LRMDA: variants seen among roughly 807,000 people sequenced by gnomAD.
LRMDA encodes leucine rich melanocyte differentiation associated.
In LRMDA, 18 loss-of-function variants were observed where a neutral mutation model predicts 29.8. The observed-to-expected ratio is 0.60, with a 90% CI of 0.42 to 0.90. The LOEUF (loss-of-function observed/expected upper bound fraction) is 0.90, where lower values mean the gene tolerates loss of function less well. Ranked by LOEUF, LRMDA falls within the 40% of genes least tolerant of loss-of-function variation. The pLI is 0.00. For synonymous variants in LRMDA, 125 were observed against 109.4 expected, an observed-to-expected ratio of 1.14 and a Z score of -0.89; for missense variants, 273 against 273.9, an observed-to-expected ratio of 1.00 and a Z score of 0.02.
intron 6 of LRMDA, among the ~76,000 whole-genome samples, chr10:76,493,355 C>T (rs973625448): frequency 3.9e-4 from 59 of 151,788 alleles, no homozygotes; most frequent in Non-Finnish European, 7.4e-5. Flanking sequence ...CTTGGGTCAG[C>T]TTGTGGTGAA....
At chr10:75,992,735 G>A (rs1847393364) in intron 2 of LRMDA, among the ~76,000 whole-genome samples, 1 of 152,100 alleles carries the variant, frequency 6.6e-6, no homozygotes, top group Admixed American at 6.5e-5. Flanking sequence ...TCCCCATGGT[G>A]CTCCAGGGGC....
intron 2 of LRMDA, among the ~76,000 whole-genome samples, chr10:75,492,743 A>G (rs952509008): frequency 1.3e-5 from 2 of 152,198 alleles, no homozygotes; most frequent in Admixed American, 6.5e-5. Flanking sequence ...GTTACAGTTA[A>G]TGTTATCTAC....
intron 5 of LRMDA, among the ~76,000 whole-genome samples, chr10:76,284,092 G>C (rs1256664193): frequency 6.6e-6 from 1 of 152,104 alleles, no homozygotes; most frequent in Non-Finnish European, 1.5e-5. Flanking sequence ...CCTAAAGTTT[G>C]GGATGTTATT....
At chr10:76,324,348 T>G in intron 5 of LRMDA, 53 bp from the exon 6 acceptor site, 1 of 1,449,720 alleles carries the variant, frequency 6.9e-7, no homozygotes, top group Non-Finnish European at 9.7e-7. Flanking sequence ...ATGAGGGTAT[T>G]TGGTATTTGG....
At chr10:75,811,676 G>A (rs1156778444) in intron 2 of LRMDA, among the ~76,000 whole-genome samples, 1 of 152,182 alleles carries the variant, frequency 6.6e-6, no homozygotes, top group Non-Finnish European at 1.5e-5. Context: ...GGATGCTGAG[G>A]GCCCGAGAGG....
At chr10:76,418,737 G>T (rs1842044087) in intron 6 of LRMDA, among the ~76,000 whole-genome samples, 1 of 151,860 alleles carries the variant, frequency 6.6e-6, no homozygotes, top group Admixed American at 6.6e-5. Flanking sequence ...GAGTGCTATA[G>T]AACTGTTATC....
At chr10:75,736,160 G>A (rs560010206) in intron 2 of LRMDA, among the ~76,000 whole-genome samples, 119 of 152,200 alleles carry the variant, frequency 7.8e-4, no homozygotes, top group Non-Finnish European at 3.4e-4. Context: ...TGTAAAAACC[G>A]TAATAGTTTG....
chr10:75,784,133 A>G (rs1160809326), intron 2 of LRMDA, among the ~76,000 whole-genome samples: 1 of 152,184 alleles, frequency 6.6e-6, no homozygotes, highest in South Asian at 2.1e-4. Context: ...AACCAATGCA[A>G]TATAGTGTTG....
chr10:75,608,295 G>C (rs1840984669), intron 2 of LRMDA, among the ~76,000 whole-genome samples: 1 of 151,950 alleles, frequency 6.6e-6, no homozygotes. Flanking sequence ...CCACATAGAA[G>C]CAGAGACTAG....
At chr10:75,846,850 G>T (rs1844647039) in intron 2 of LRMDA, among the ~76,000 whole-genome samples, 1 of 152,044 alleles carries the variant, frequency 6.6e-6, no homozygotes, top group Admixed American at 6.6e-5. Context: ...ATTGCTAAAA[G>T]AAATCAAAGG....
At chr10:75,500,346 T>G (rs1177565622) in intron 2 of LRMDA, among the ~76,000 whole-genome samples, 1 of 152,188 alleles carries the variant, frequency 6.6e-6, no homozygotes, top group Non-Finnish European at 1.5e-5. Flanking sequence ...AATAATATTC[T>G]CAGAATTTTA....
intron 2 of LRMDA, among the ~76,000 whole-genome samples, chr10:75,968,298 C>T (rs1424064503): frequency 2.0e-5 from 3 of 152,064 alleles, no homozygotes; most frequent in Non-Finnish European, 2.9e-5. Flanking sequence ...GCCCCAGCAG[C>T]ATGGAAAAGG....
At chr10:75,759,455 A>G (rs1247174739) in intron 2 of LRMDA, among the ~76,000 whole-genome samples, 1 of 152,196 alleles carries the variant, frequency 6.6e-6, no homozygotes, top group Non-Finnish European at 1.5e-5. Context: ...ACTGTAAGGA[A>G]CAATAAGATT....
chr10:76,272,699 A>G (rs899057222), intron 5 of LRMDA, among the ~76,000 whole-genome samples: 2 of 152,078 alleles, frequency 1.3e-5, no homozygotes, highest in Non-Finnish European at 2.9e-5. Context: ...TAAAGATACT[A>G]CCTGAGTCTG....
intron 2 of LRMDA, among the ~76,000 whole-genome samples, chr10:75,677,252 A>G (rs911167277): frequency 6.6e-6 from 1 of 152,292 alleles, no homozygotes; most frequent in Non-Finnish European, 1.5e-5. Context: ...AGGCTTAGAT[A>G]TTCTTGGTTT....
chr10:75,766,445 C>T (rs1301583654), intron 2 of LRMDA, among the ~76,000 whole-genome samples: 1 of 152,144 alleles, frequency 6.6e-6, no homozygotes, highest in Non-Finnish European at 1.5e-5. Flanking sequence ...GACAGAGCTT[C>T]TCATTTCCCT....
intron 2 of LRMDA, chr10:75,552,389 C>T (rs1840161481): frequency 8.5e-6 from 2 of 235,952 alleles, no homozygotes. Context: ...GAGCAGTGCG[C>T]TGTCATTCTT....
chr10:76,478,879 A>T (rs1842706839), intron 6 of LRMDA, among the ~76,000 whole-genome samples: 1 of 139,990 alleles, frequency 7.1e-6, no homozygotes, highest in Non-Finnish European at 1.5e-5. Flanking sequence ...GGGGAACATC[A>T]CACACCAAGG....
At chr10:76,287,204 CTTT>C (rs1325096008) in intron 5 of LRMDA, among the ~76,000 whole-genome samples, 1 of 146,568 alleles carries the variant, frequency 6.8e-6, no homozygotes, top group Non-Finnish European at 1.5e-5. Flanking sequence ...GTGGCTTCTT[CTTT>C]ATTTGCCATC....
Sources: allele counts gnomAD v4.1 joint callset (sites outside exome capture counted in the v4.1 genomes callset), GRCh38; gene constraint gnomAD v4.1.1; transcripts MANE v1.5; gene names NCBI Gene and HGNC (gene_info 2026-07-23, HGNC 2026-07-21).